The following LRRCC1 variants were observed in gnomAD, a reference collection of about 807,000 sequenced individuals.
The protein encoded by LRRCC1 is leucine-rich repeat and coiled-coil domain-containing protein 1.
LRRCC1 carries 115 observed loss-of-function variants against 126.0 expected under a neutral mutation model. The observed-to-expected ratio is 0.91, with a 90% CI of 0.78 to 1.07. LRRCC1 has a LOEUF of 1.07. Among genes scored for constraint, LRRCC1 ranks in the 50% least tolerant of loss-of-function variants. The probability of loss-of-function intolerance (pLI) is 0.00; values close to 1 mark genes in which losing one functional copy is unlikely to be tolerated. For synonymous variants in LRRCC1, 400 were observed against 393.4 expected, an observed-to-expected ratio of 1.02 and a Z score of -0.20; for missense variants, 1,172 against 1,175.7, an observed-to-expected ratio of 1.00 and a Z score of 0.05.
At chr8:85,116,372 T>A (rs553621174) in intron 6 of LRRCC1, among the ~76,000 whole-genome samples, 1 of 152,268 alleles carries the variant, frequency 6.6e-6, no homozygotes, top group African/African-American at 2.4e-5. Flanking sequence ...TAAGTTATTG[T>A]TACTAATTTT....
chr8:85,115,182 G>A lies in LRRCC1; in HGVS notation c.627G>A (p.Leu209=). The change falls in exon 5 of 19, where the codon TTG becomes TTA. Residue 209 remains leucine, a synonymous_variant. Transcript: ENST00000360375. Reference sequence around the variant, plus strand: ...ACATATTTGGTGAACCAGTAAATTTGACAGAAATAAATTCATCACAGCTGC... The same window carrying A: ...ACATATTTGGTGAACCAGTAAATTTAACAGAAATAAATTCATCACAGCTGC... ...CKNIFGEPVN[L]TEINSSQLQC... The A allele has an allele frequency of 1.2e-6, 2 of 1,612,888 alleles. No homozygotes were observed. The highest frequency in any genetic ancestry group is 1.7e-6 in the Non-Finnish European group (2 of 1,179,338).
At chr8:85,122,831 A>G (rs56256461) in intron 6 of LRRCC1, among the ~76,000 whole-genome samples, 15,852 of 152,230 alleles carry the variant, frequency 0.1, 1,631 homozygotes, top group African/African-American at 0.27. Flanking sequence ...ATTTGGTTAT[A>G]GTCCTTCAAA....
At chr8:85,118,428 ATGTT>A (rs1428343815) in intron 6 of LRRCC1, among the ~76,000 whole-genome samples, 2 of 152,038 alleles carry the variant, frequency 1.3e-5, no homozygotes, top group Non-Finnish European at 2.9e-5. Context: ...GGGTAGATGT[ATGTT>A]GAGTTTTATA....
intron 18 of LRRCC1, among the ~76,000 whole-genome samples, chr8:85,143,361 G>A (rs1811396149): frequency 6.6e-6 from 1 of 151,686 alleles, no homozygotes; most frequent in African/African-American, 2.4e-5. Context: ...TGGGCATGGA[G>A]GCTTACACCT....
intron 11 of LRRCC1, among the ~76,000 whole-genome samples, chr8:85,131,062 C>A (rs747043633): frequency 1.4e-4 from 21 of 152,036 alleles, no homozygotes; most frequent in Admixed American, 3.3e-4. Flanking sequence ...GTATTTATTC[C>A]GAAACCTGTT....
chr8:85,115,944 T>C (rs546826732), intron 6 of LRRCC1, among the ~76,000 whole-genome samples: 2 of 152,362 alleles, frequency 1.3e-5, no homozygotes, highest in African/African-American at 4.8e-5. Flanking sequence ...TGGCCTCTAC[T>C]ATCTCTTCAG....
intron 11 of LRRCC1, among the ~76,000 whole-genome samples, chr8:85,130,431 C>T (rs1025555210): frequency 1.2e-4 from 18 of 152,008 alleles, no homozygotes; most frequent in East Asian, 7.7e-4. Context: ...CATGAGCCAC[C>T]GCGCCTGGCC....
At chr8:85,133,991 A>G (rs1401749200) in intron 12 of LRRCC1, among the ~76,000 whole-genome samples, 2 of 152,082 alleles carry the variant, frequency 1.3e-5, no homozygotes, top group Admixed American at 1.3e-4. Context: ...CTTCATTTAC[A>G]CCACTCCAGT....
intron 6 of LRRCC1, among the ~76,000 whole-genome samples, chr8:85,120,044 T>C (rs1809418701): frequency 6.6e-6 from 1 of 152,252 alleles, no homozygotes; most frequent in South Asian, 2.1e-4. Context: ...TCTGTAGATA[T>C]GTTATTGGTC....
At position 85,116,451 on chromosome 8, in the gene LRRCC1, G is replaced by A. The variant is rs369458377; in HGVS notation, c.930+867G>A. 4.6e-5 allele frequency among the ~76,000 whole-genome samples: 7 copies of A among 151,978 alleles called. No homozygotes were observed. In the East Asian group the frequency reaches 5.8e-4, roughly 13 times the overall value. On this transcript the variant is annotated intron_variant, in intron 6 of 18. Coordinates refer to ENST00000360375, the MANE Select transcript of LRRCC1 (RefSeq NM_033402.5). ...TATGGTGGCATGAACATAGCTCACTGCAGCCTCGAATTCCTGAGCCCAAGA... is the reference window on the plus strand; with the variant it reads ...TATGGTGGCATGAACATAGCTCACTACAGCCTCGAATTCCTGAGCCCAAGA...
chr8:85,137,720 C>T, intron 15 of LRRCC1, 93 bp downstream of exon 15: 1 of 961,134 alleles, frequency 1.0e-6, no homozygotes, highest in Non-Finnish European at 1.5e-6. Context: ...CAGTGTTTTC[C>T]AACTGTTGTA....
intron 9 of LRRCC1, among the ~76,000 whole-genome samples, chr8:85,128,913 A>G (rs1810220592): frequency 1.3e-5 from 2 of 152,086 alleles, no homozygotes; most frequent in Admixed American, 1.3e-4. Flanking sequence ...AAGATGTTGA[A>G]CTATCTCCTC....
intron 14 of LRRCC1, 134 bp downstream of exon 14, chr8:85,136,097 G>A: frequency 1.6e-6 from 1 of 643,476 alleles, no homozygotes; most frequent in South Asian, 4.8e-5. Context: ...GGAAGGATAA[G>A]TAGGCATTTG....
rs1489634103 is a variant in LRRCC1 at position 85,112,856 on chromosome 8, T to A, written c.377-76T>A. 2.0e-5 allele frequency: 22 copies of A among 1,096,190 alleles called. No homozygotes were observed. In the East Asian group the frequency reaches 4.6e-4, roughly 23 times the overall value. 67.9% of individuals were successfully genotyped at this position (1,096,190 alleles called of 1,614,324 possible). ...CCCGTTTGCCTCTAAAAGTATAACC[T>A]ATCTAGCAATTATTTCTAATTAGCT... On this transcript the variant is annotated intron_variant, in intron 3 of 18. Coordinates refer to ENST00000360375, the MANE Select transcript of LRRCC1 (RefSeq NM_033402.5).
At chr8:85,133,928 G>C (rs1810672093) in intron 12 of LRRCC1, among the ~76,000 whole-genome samples, 1 of 152,058 alleles carries the variant, frequency 6.6e-6, no homozygotes, top group Admixed American at 6.6e-5. Context: ...TCAGAGTAGT[G>C]GTCAAAACAC....
intron 10 of LRRCC1, 81 bp downstream of exon 10, chr8:85,129,460 A>G (rs1810276406): frequency 5.8e-6 from 7 of 1,210,354 alleles, no homozygotes; most frequent in Non-Finnish European, 8.2e-6. Context: ...TATACTACCT[A>G]GAAAACCTAA....
At chr8:85,138,879 T>C (rs1811057676) in intron 17 of LRRCC1, among the ~76,000 whole-genome samples, 1 of 151,992 alleles carries the variant, frequency 6.6e-6, no homozygotes, top group Non-Finnish European at 1.5e-5. Flanking sequence ...ACCCCATCTC[T>C]ACTAAAAATA....
In LRRCC1 at chr8:85,115,450, A is replaced by G. The variant is rs778060032; in HGVS notation, c.796A>G (p.Ser266Gly). The G allele has an allele frequency of 3.7e-6, 6 of 1,613,582 alleles. No individual in the cohort carries two copies. The South Asian group carries it at 4.4e-5, about 12-fold the overall frequency. Residue 266 changes from serine to glycine, a missense_variant, in exon 6 of 19, where the codon AGT becomes GGT. By Grantham distance (56) the Ser-to-Gly change is moderately conservative. Coordinates refer to ENST00000360375, the MANE Select transcript of LRRCC1 (RefSeq NM_033402.5). Reference sequence around the variant, plus strand: ...CTTGGAACAGTTTGCAAGTACACCAAGTGATGCTGTGTTGACGTCTTTTAT... The same window carrying G: ...CTTGGAACAGTTTGCAAGTACACCAGGTGATGCTGTGTTGACGTCTTTTAT... The part of the protein sequence containing the change: ...VPLEQFASTP[S>G]DAVLTSFMSV...
At chr8:85,139,929 G>A (rs1811148256) in intron 17 of LRRCC1, among the ~76,000 whole-genome samples, 1 of 152,148 alleles carries the variant, frequency 6.6e-6, no homozygotes, top group South Asian at 2.1e-4. Flanking sequence ...TAGCACAGTT[G>A]TTTTCTGTTG....
Sources: gnomAD v4.1 joint callset for allele counts (sites outside exome capture counted in the v4.1 genomes callset) on GRCh38, gnomAD v4.1.1 for gene constraint, MANE v1.5 for transcripts, NCBI Gene and HGNC (gene_info 2026-07-23, HGNC 2026-07-21) for gene names.